The following GNB5 variants were observed in gnomAD, a reference collection of about 807,000 sequenced individuals.
GNB5 encodes G protein subunit beta 5.
Under a neutral mutation model 55.3 loss-of-function variants are expected in GNB5, and 37 were observed. That is an observed-to-expected ratio of 0.67 (90% CI 0.51 to 0.88). GNB5 has a LOEUF of 0.88. Among genes scored for constraint, GNB5 ranks in the 40% least tolerant of loss-of-function variants. The pLI, the probability that GNB5 is intolerant of heterozygous loss-of-function variation, is 0.00. For synonymous variants in GNB5, 219 were observed against 198.5 expected (o/e 1.10, Z -0.87); for missense variants, 476 against 515.3 (o/e 0.92, Z 0.74).
chr15:52,128,281 C>T (rs769174852), intron 9 of GNB5, 37 bp from the exon 10 acceptor site: 3 of 1,428,284 alleles, frequency 2.1e-6, no homozygotes, highest in Non-Finnish European at 3.0e-6. Context: ...GGTTGTGACT[C>T]CTGACCCTGG....
intron 6 of GNB5, among the ~76,000 whole-genome samples, chr15:52,145,084 GGCAGTCTT>G (rs2033942382): frequency 6.6e-6 from 1 of 152,062 alleles, no homozygotes; most frequent in Non-Finnish European, 1.5e-5. Flanking sequence ...TGAAGCAAGG[GGCAGTCTT>G]GGAACTGTGC....
At chr15:52,190,749 T>A (rs1596118105) in intron 1 of GNB5, among the ~76,000 whole-genome samples, 2 of 116,368 alleles carry the variant, frequency 1.7e-5, no homozygotes, top group Non-Finnish European at 1.7e-5. Flanking sequence ...CGTGCATACA[T>A]ACACCACAGA....
intron 3 of GNB5, among the ~76,000 whole-genome samples, chr15:52,164,224 C>T (rs2034401849): frequency 6.7e-6 from 1 of 149,642 alleles, no homozygotes; most frequent in Admixed American, 6.7e-5. Flanking sequence ...AGGAGAATCG[C>T]TTGAACCTGG....
In GNB5 at chr15:52,120,347, A is replaced by C. The variant is rs2033234357; in HGVS notation, c.*2410T>G. 6.6e-6 allele frequency: 1 copy of C among 152,390 alleles called. No individual in the cohort carries two copies. The highest frequency in any genetic ancestry group is 2.1e-4 in the South Asian group (1 of 4,824). 9.4% of individuals were successfully genotyped at this position (152,390 alleles called of 1,614,324 possible). A position where few individuals can be genotyped will look rare whatever the true frequency, so the allele number is the denominator to read the frequency against. ...TCACATAGTCCAAATCAAGTATCTC[A>C]TCAGCAAATCCCGACAGCACCCACT... On this transcript the variant is annotated 3_prime_UTR_variant, in exon 13 of 13. Transcript: ENST00000261837.
chr15:52,175,107 G>C (rs1420488311), intron 3 of GNB5, among the ~76,000 whole-genome samples: 1 of 151,992 alleles, frequency 6.6e-6, no homozygotes, highest in Non-Finnish European at 1.5e-5. Flanking sequence ...ACATACCTAG[G>C]GTCCCAGGCA....
intron 5 of GNB5, among the ~76,000 whole-genome samples, chr15:52,147,755 G>C (rs2034007587): frequency 6.6e-6 from 1 of 151,940 alleles, no homozygotes; most frequent in Admixed American, 6.6e-5. Flanking sequence ...GCTAATTTTT[G>C]TATTTTTAGT....
At chr15:52,126,232 A>G (rs2033425793) in intron 10 of GNB5, 188 bp from the exon 11 acceptor site, 3 of 522,006 alleles carry the variant, frequency 5.7e-6, no homozygotes, top group Non-Finnish European at 1.0e-5. Context: ...GTCAGTAAAG[A>G]GTCCTGATTC....
chr15:52,117,104 T>TATATATATATATA lies in GNB5; in HGVS notation c.*5652_*5653insTATATATATATAT, dbSNP rs1566928457. 3 of 66,074 alleles carry TATATATATATATA rather than the reference T, an allele frequency of 4.5e-5. No homozygotes were observed. Among genetic ancestry groups the TATATATATATATA allele is most frequent in the Non-Finnish European group, 7.7e-5 (3 of 38,722 alleles). The allele number at this position is 66,074 out of a possible 1,614,324, so 4.1% of individuals were successfully genotyped here. Reference sequence around the variant, plus strand: ...ACGCCCAGCTAATATATATATATATTTTTTTTTAGTACAGACAGGGTTTCA... The same window carrying TATATATATATATA: ...ACGCCCAGCTAATATATATATATATTATATATATATATATTTTTTTAGTACAGACAGGGTTTCA... On this transcript the variant is annotated 3_prime_UTR_variant, in exon 13 of 13. Coordinates refer to ENST00000261837, the MANE Select transcript of GNB5 (RefSeq NM_016194.4).
intron 3 of GNB5, among the ~76,000 whole-genome samples, chr15:52,156,942 T>G (rs1327865653): frequency 6.6e-6 from 1 of 151,558 alleles, no homozygotes; most frequent in African/African-American, 2.4e-5. Flanking sequence ...AAATTCTTTT[T>G]TTTTTTTTTT....
chr15:52,188,563 T>C (rs971300732), intron 1 of GNB5, among the ~76,000 whole-genome samples: 1 of 152,208 alleles, frequency 6.6e-6, no homozygotes, highest in African/African-American at 2.4e-5. Context: ...ATTGTCAATA[T>C]CCTTTTTATG....
Position 52,122,499 on chromosome 15 carries a change from CAG to C in GNB5, c.*256_*257del. The C allele has an allele frequency of 2.1e-6, 1 of 466,350 alleles. No homozygotes were observed. Among genetic ancestry groups the C allele is most frequent in the Non-Finnish European group, 3.8e-6 (1 of 264,432 alleles). The allele number at this position is 466,350 out of a possible 1,614,324, so 28.9% of individuals were successfully genotyped here. A position where few individuals can be genotyped will look rare whatever the true frequency, so the allele number is the denominator to read the frequency against. ...CTATAATTTAGAATAACCTTAAAAA[CAG>C]ATACATTTTAAAAAGTGTTCCAAAA... On this transcript the variant is annotated 3_prime_UTR_variant, in exon 13 of 13. Coordinates refer to ENST00000261837, the MANE Select transcript of GNB5 (RefSeq NM_016194.4).
chr15:52,179,567 C>T (rs763627934), intron 3 of GNB5, among the ~76,000 whole-genome samples: 7 of 151,718 alleles, frequency 4.6e-5, no homozygotes, highest in African/African-American at 1.7e-4. Context: ...CCTCCGAGGG[C>T]CCCACCGCCG....
chr15:52,133,646 G>A lies in GNB5; in HGVS notation c.772-177C>T, dbSNP rs552248843. On this transcript the variant is annotated intron_variant, in intron 8 of 12. Coordinates refer to ENST00000261837, the MANE Select transcript of GNB5 (RefSeq NM_016194.4). ...TTCCTTAGTCAGAAAGCCCTTAGAC[G>A]CCTAGAACTAGGTCTTGGGATGGGA... 1.9e-4 allele frequency among the ~76,000 whole-genome samples: 29 copies of A among 152,344 alleles called. No individual in the cohort carries two copies. In the South Asian group the frequency reaches 4.1e-3, roughly 22 times the overall value.
intron 10 of GNB5, 152 bp downstream of exon 10, chr15:52,128,044 G>A (rs1343834609): frequency 3.9e-6 from 2 of 510,360 alleles, no homozygotes; most frequent in African/African-American, 3.9e-5. Context: ...GATTTTTCTT[G>A]GGTAAGGAGA....
chr15:52,176,806 T>G (rs375587014), intron 3 of GNB5, among the ~76,000 whole-genome samples: 1 of 152,086 alleles, frequency 6.6e-6, no homozygotes, highest in Non-Finnish European at 1.5e-5. Flanking sequence ...AGCAATCAGA[T>G]CCATCCTCTC....
At chr15:52,185,753 T>TTTTTTATTATTATTA (rs1555409559) in intron 1 of GNB5, among the ~76,000 whole-genome samples, 2 of 136,712 alleles carry the variant, frequency 1.5e-5, no homozygotes, top group Non-Finnish European at 1.6e-5. Context: ...TATTCATCTT[T>TTTTTTATTATTATTA]TTATTATTAT....
chr15:52,184,776 G>T (rs955012644), intron 1 of GNB5, 82 bp from the exon 2 acceptor site: 1 of 1,167,156 alleles, frequency 8.6e-7, no homozygotes, highest in Non-Finnish European at 1.2e-6. Context: ...TGCTTGTACC[G>T]TGGTAGCTAT....
chr15:52,135,520 T>C (rs1172018149), intron 8 of GNB5, 93 bp downstream of exon 8: 1 of 1,086,124 alleles, frequency 9.2e-7, no homozygotes, highest in Non-Finnish European at 1.4e-6. Flanking sequence ...TCTAGGGAAG[T>C]GCCTAGGCTA....
chr15:52,159,402 G>A lies in GNB5; in HGVS notation c.239-5326C>T, dbSNP rs957506002. 3.3e-5 allele frequency among the ~76,000 whole-genome samples: 5 copies of A among 152,134 alleles called. No individual in the cohort carries two copies. In the South Asian group the frequency reaches 6.2e-4, roughly 19 times the overall value. On this transcript the variant is annotated intron_variant, in intron 3 of 12. Transcript: ENST00000261837. ...GCGGACACACCATCTGCCGCACCAC[G>A]CTTCTTTGTGGTCCCTCCAAGGTCA... is the stretch of plus-strand genomic sequence containing the variant.
Sources: gnomAD v4.1 joint callset for allele counts (sites outside exome capture counted in the v4.1 genomes callset) on GRCh38, gnomAD v4.1.1 for gene constraint, MANE v1.5 for transcripts, NCBI Gene and HGNC (gene_info 2026-07-23, HGNC 2026-07-21) for gene names.